The following RTN1 variants were observed in gnomAD, a reference collection of about 807,000 sequenced individuals.
RTN1 encodes reticulon-1.
A neutral mutation model predicts 65.5 loss-of-function variants in RTN1; 25 were observed. That is an observed-to-expected ratio of 0.38 (90% confidence interval 0.28 to 0.53). The LOEUF (loss-of-function observed/expected upper bound fraction) is 0.53. Ranked by LOEUF, RTN1 falls within the 20% of genes least tolerant of loss-of-function variation. The probability of loss-of-function intolerance (pLI) is 0.79; values close to 1 mark genes in which losing one functional copy is unlikely to be tolerated. For missense variants in RTN1, 983 were observed against 1,025.4 expected (o/e 0.96, Z 0.57); for synonymous variants, 471 against 447.6 (o/e 1.05, Z -0.66).
chr14:59,610,322 A>G, intron 3 of RTN1: 1 of 574,218 alleles, frequency 1.7e-6, no homozygotes, highest in Non-Finnish European at 3.1e-6. Context: ...AGATTGCAGG[A>G]GGTTTCTAAT....
intron 1 of RTN1, among the ~76,000 whole-genome samples, chr14:59,838,522 G>T (rs1392727056): frequency 1.3e-5 from 2 of 152,072 alleles, no homozygotes; most frequent in African/African-American, 4.8e-5. Context: ...TGGAATACTA[G>T]GCAGACTTTA....
intron 1 of RTN1, among the ~76,000 whole-genome samples, chr14:59,834,239 C>T (rs1259380187): frequency 6.6e-6 from 1 of 152,020 alleles, no homozygotes; most frequent in African/African-American, 2.4e-5. Context: ...ATATATAAAA[C>T]CTGAAACTAT....
chr14:59,773,020 G>C (rs1049485274), intron 1 of RTN1, among the ~76,000 whole-genome samples: 2 of 152,014 alleles, frequency 1.3e-5, no homozygotes, highest in Admixed American at 1.3e-4. Flanking sequence ...GCTGCATTCT[G>C]TCTCTAATGA....
chr14:59,630,184 C>T (rs939582102), intron 3 of RTN1, among the ~76,000 whole-genome samples: 10 of 118,744 alleles, frequency 8.4e-5, no homozygotes, highest in African/African-American at 3.3e-4. Context: ...CCGGAGGAGG[C>T]GATTGATGCA....
intron 1 of RTN1, among the ~76,000 whole-genome samples, chr14:59,784,718 A>G (rs1211526197): frequency 6.6e-6 from 1 of 152,190 alleles, no homozygotes; most frequent in Non-Finnish European, 1.5e-5. Flanking sequence ...TTATTTGAAT[A>G]CTTTTGTAAA....
intron 3 of RTN1, among the ~76,000 whole-genome samples, chr14:59,689,581 G>A (rs1252169036): frequency 6.6e-6 from 1 of 152,136 alleles, no homozygotes; most frequent in Non-Finnish European, 1.5e-5. Context: ...CATGTATAAA[G>A]AGAACCCCAT....
At chr14:59,831,873 C>T (rs1380069467) in intron 1 of RTN1, among the ~76,000 whole-genome samples, 1 of 152,048 alleles carries the variant, frequency 6.6e-6, no homozygotes, top group African/African-American at 2.4e-5. Context: ...GAAGACGACC[C>T]TCCTAGTCAA....
intron 3 of RTN1, among the ~76,000 whole-genome samples, chr14:59,716,541 C>A (rs768365296): frequency 6.6e-6 from 1 of 152,096 alleles, no homozygotes; most frequent in African/African-American, 2.4e-5. Flanking sequence ...AAGGAAAATT[C>A]GGAGGGTAAT....
intron 1 of RTN1, among the ~76,000 whole-genome samples, chr14:59,763,450 C>T (rs750091405): frequency 6.6e-6 from 1 of 151,862 alleles, no homozygotes; most frequent in Non-Finnish European, 1.5e-5. Context: ...TTTCTTTTAC[C>T]TCCAGGAAGA....
At chr14:59,770,734 G>C (rs937180723) in intron 1 of RTN1, among the ~76,000 whole-genome samples, 2 of 152,026 alleles carry the variant, frequency 1.3e-5, no homozygotes, top group Non-Finnish European at 2.9e-5. Context: ...TTCCCTGAAG[G>C]CTTTACTAAC....
intron 3 of RTN1, among the ~76,000 whole-genome samples, chr14:59,625,603 T>G (rs192205899): frequency 2.6e-5 from 4 of 152,302 alleles, no homozygotes; most frequent in African/African-American, 7.2e-5. Context: ...CCTAGCCCTT[T>G]AGTTTCATTT....
intron 1 of RTN1, among the ~76,000 whole-genome samples, chr14:59,759,938 G>A (rs776827025): frequency 7.2e-5 from 11 of 152,178 alleles, no homozygotes; most frequent in Non-Finnish European, 1.2e-4. Flanking sequence ...ACCCCAATGG[G>A]AGGCAATTTG....
chr14:59,661,055 G>T (rs1272888994), intron 3 of RTN1, among the ~76,000 whole-genome samples: 1 of 151,436 alleles, frequency 6.6e-6, no homozygotes, highest in African/African-American at 2.4e-5. Context: ...ATAAAGGGTA[G>T]GTCACCACTG....
rs71111672 is a variant in RTN1 at position 59,858,472 on chromosome 14, G to GTT, written c.241+11916_241+11917dup. On this transcript the variant is annotated intron_variant, in intron 1 of 8. Transcript: ENST00000267484. ...CATAATTTTCTGTTGTTCAAGAGTAGTTTTTTTTTTTTTTAGAAAGCCAAA... is the reference window on the plus strand; with the variant it reads ...CATAATTTTCTGTTGTTCAAGAGTAGTTTTTTTTTTTTTTTTAGAAAGCCAAA... 3.9e-3 allele frequency among the ~76,000 whole-genome samples: 556 copies of GTT among 143,286 alleles called. 1 individual carries two copies. The highest frequency in any genetic ancestry group is 0.014 in the Middle Eastern group (4 of 278). 94.0% of individuals were successfully genotyped at this position (143,286 alleles called of 152,430 possible).
chr14:59,789,900 G>GCAAAATTGTGTTATATGCA (rs1886317147), intron 1 of RTN1, among the ~76,000 whole-genome samples: 1 of 151,946 alleles, frequency 6.6e-6, no homozygotes, highest in Admixed American at 6.6e-5. Flanking sequence ...AAAGCAAGTT[G>GCAAAATTGTGTTATATGCA]CAAAATTGTG....
chr14:59,749,241 T>A (rs1441609166), intron 1 of RTN1, among the ~76,000 whole-genome samples: 1 of 59,444 alleles, frequency 1.7e-5, no homozygotes, highest in South Asian at 4.3e-4. Context: ...TATATATCTA[T>A]ATATATCTAT....
chr14:59,711,875 T>C (rs541562740), intron 3 of RTN1, among the ~76,000 whole-genome samples: 1 of 152,020 alleles, frequency 6.6e-6, no homozygotes, highest in African/African-American at 2.4e-5. Context: ...ATGCATAGAG[T>C]CATGTGACAA....
At chr14:59,740,228 T>C (rs140738679) in intron 2 of RTN1, among the ~76,000 whole-genome samples, 1 of 152,258 alleles carries the variant, frequency 6.6e-6, no homozygotes, top group Non-Finnish European at 1.5e-5. Context: ...AGGTACGCAA[T>C]AAATAGCACT....
intron 3 of RTN1, among the ~76,000 whole-genome samples, chr14:59,646,781 T>C (rs1051185758): frequency 2.6e-5 from 4 of 151,704 alleles, no homozygotes; most frequent in African/African-American, 9.7e-5. Flanking sequence ...TTACAAGAGA[T>C]CTTGAACGAA....
Sources: gnomAD v4.1 joint callset for allele counts (sites outside exome capture counted in the v4.1 genomes callset) on GRCh38, gnomAD v4.1.1 for gene constraint, MANE v1.5 for transcripts, NCBI Gene and HGNC (gene_info 2026-07-23, HGNC 2026-07-21) for gene names.